FAM168A: variants seen among roughly 807,000 people sequenced by gnomAD.
FAM168A encodes protein FAM168A.
In FAM168A, 3 loss-of-function variants were observed where a neutral mutation model predicts 28.5. That is an observed-to-expected ratio of 0.11 (90% CI 0.05 to 0.27). FAM168A has a LOEUF of 0.27. Ranked by LOEUF, FAM168A falls within the 10% of genes least tolerant of loss-of-function variation. The pLI, the probability that FAM168A is intolerant of heterozygous loss-of-function variation, is 1.00. For missense variants in FAM168A, 222 were observed against 311.5 expected, an observed-to-expected ratio of 0.71 and a Z score of 2.16; for synonymous variants, 122 against 124.2, an observed-to-expected ratio of 0.98 and a Z score of 0.12.
intron 1 of FAM168A, among the ~76,000 whole-genome samples, chr11:73,525,109 C>T (rs2134656389): frequency 6.6e-6 from 1 of 151,478 alleles, no homozygotes; most frequent in Admixed American, 6.6e-5. Flanking sequence ...CATTCCCTCT[C>T]TTTTTTGGGG....
chr11:73,451,338 G>C (rs746595172), intron 2 of FAM168A, among the ~76,000 whole-genome samples: 6 of 152,142 alleles, frequency 3.9e-5, no homozygotes, highest in Non-Finnish European at 7.4e-5. Flanking sequence ...CAAACTCTCA[G>C]GTCAATTTGC....
At chr11:73,483,422 C>A (rs1278314135) in intron 1 of FAM168A, among the ~76,000 whole-genome samples, 1 of 152,142 alleles carries the variant, frequency 6.6e-6, no homozygotes, top group African/African-American at 2.4e-5. Context: ...CTCTATAAAA[C>A]AGAAATACTA....
rs185054682 is a variant in FAM168A at position 73,540,124 on chromosome 11, T to G, written c.-19+57799A>C. Among the ~76,000 whole-genome samples the G allele has an allele frequency of 9.8e-5, 15 of 152,308 alleles. 1 individual carries two copies. In the East Asian group the frequency reaches 1.2e-3, roughly 12 times the overall value. On this transcript the variant is annotated intron_variant, in intron 1 of 7. Transcript: ENST00000356467. Reference sequence around the variant, plus strand: ...TTCTTATTTCAACACAAAGACATGCTCAGAGAAATTACCTAGTAAAGCCCT... The same window carrying G: ...TTCTTATTTCAACACAAAGACATGCGCAGAGAAATTACCTAGTAAAGCCCT...
chr11:73,508,527 C>A (rs1260497985), intron 1 of FAM168A, among the ~76,000 whole-genome samples: 1 of 152,106 alleles, frequency 6.6e-6, no homozygotes, highest in African/African-American at 2.4e-5. Context: ...ACTTCTAGCC[C>A]TGCAGGTAGG....
intron 2 of FAM168A, among the ~76,000 whole-genome samples, chr11:73,445,127 TG>T (rs1379695481): frequency 6.6e-6 from 1 of 151,840 alleles, no homozygotes; most frequent in Non-Finnish European, 1.5e-5. Context: ...GGCGTGGTGG[TG>T]CATCCCTGTA....
intron 1 of FAM168A, among the ~76,000 whole-genome samples, chr11:73,555,798 A>G (rs1165687138): frequency 2.6e-5 from 4 of 152,170 alleles, no homozygotes; most frequent in African/African-American, 7.2e-5. Flanking sequence ...AAACTCAGCA[A>G]ATCAGAGAAC....
chr11:73,417,418 T>C (rs538035419), intron 4 of FAM168A, among the ~76,000 whole-genome samples: 2 of 152,336 alleles, frequency 1.3e-5, no homozygotes, highest in South Asian at 4.1e-4. Flanking sequence ...TAGGTGTGCC[T>C]ATATGCGTCT....
At chr11:73,491,250 G>T (rs1358619132) in intron 1 of FAM168A, among the ~76,000 whole-genome samples, 1 of 152,180 alleles carries the variant, frequency 6.6e-6, no homozygotes, top group Non-Finnish European at 1.5e-5. Flanking sequence ...CAAACAGAAA[G>T]GAGACATGAT....
At chr11:73,470,967 GAGATCATGCCTGGGGT>G (rs968492673) in intron 1 of FAM168A, among the ~76,000 whole-genome samples, 29 of 152,280 alleles carry the variant, frequency 1.9e-4, no homozygotes, top group African/African-American at 6.7e-4. Flanking sequence ...GCCACAGGAG[GAGATCATGCCTGGGGT>G]AGATCATGCC....
chr11:73,451,383 T>G (rs1022835666), intron 2 of FAM168A, among the ~76,000 whole-genome samples: 2 of 152,228 alleles, frequency 1.3e-5, no homozygotes, highest in African/African-American at 4.8e-5. Flanking sequence ...AAGGCTTCGT[T>G]ATTAGAGGTT....
chr11:73,581,726 GT>G (rs1249756039), intron 1 of FAM168A, among the ~76,000 whole-genome samples: 1,504 of 148,110 alleles, frequency 0.01, 28 homozygotes, highest in African/African-American at 0.034. Flanking sequence ...CTTGGTTTTT[GT>G]TTTTTTTTTG....
At chr11:73,539,532 G>A (rs1050256732) in intron 1 of FAM168A, among the ~76,000 whole-genome samples, 20 of 152,092 alleles carry the variant, frequency 1.3e-4, no homozygotes, top group African/African-American at 4.1e-4. Flanking sequence ...GCCTCCCAGC[G>A]CTGGGATTGC....
chr11:73,507,716 T>C (rs1370106303), intron 1 of FAM168A, among the ~76,000 whole-genome samples: 3 of 152,224 alleles, frequency 2.0e-5, no homozygotes, highest in African/African-American at 4.8e-5. Flanking sequence ...CGTGCAATAT[T>C]AACAACTGAC....
At chr11:73,465,759 A>G (rs1017360703) in intron 2 of FAM168A, among the ~76,000 whole-genome samples, 2 of 152,226 alleles carry the variant, frequency 1.3e-5, no homozygotes, top group African/African-American at 2.4e-5. Flanking sequence ...GGACACAAAC[A>G]TTCAGTTCAT....
chr11:73,533,382 A>G (rs146769912), intron 1 of FAM168A, among the ~76,000 whole-genome samples: 1 of 152,304 alleles, frequency 6.6e-6, no homozygotes, highest in East Asian at 1.9e-4. Context: ...TCTAAAGCCA[A>G]AATAACTGTC....
rs944709302 is a variant in FAM168A at position 73,403,462 on chromosome 11, G to A, written c.*3301C>T. 2.6e-5 allele frequency: 4 copies of A among 152,258 alleles called. No homozygotes were observed. Among genetic ancestry groups the A allele is most frequent in the Admixed American group, 1.3e-4 (2 of 15,278 alleles). The allele number at this position is 152,258 out of a possible 1,614,324, so 9.4% of individuals were successfully genotyped here. A position where few individuals can be genotyped will look rare whatever the true frequency, so the allele number is the denominator to read the frequency against. ...GAGAGGCAGTGGCATGAGGAGGAGA[G>A]AGGGGTTTGCATCCTGGGGCCAGTG... is the stretch of plus-strand genomic sequence containing the variant. On this transcript the variant is annotated 3_prime_UTR_variant, in exon 8 of 8. Transcript: ENST00000356467.
chr11:73,558,681 T>C (rs774133020), intron 1 of FAM168A, among the ~76,000 whole-genome samples: 7 of 151,788 alleles, frequency 4.6e-5, no homozygotes, highest in Non-Finnish European at 7.4e-5. Context: ...AACAAGTAGA[T>C]GAAAAGATGC....
At chr11:73,417,726 A>G (rs1282881829) in intron 4 of FAM168A, among the ~76,000 whole-genome samples, 1 of 151,782 alleles carries the variant, frequency 6.6e-6, no homozygotes, top group African/African-American at 2.4e-5. Context: ...TGCCTGGCTA[A>G]TTTTTTGTAT....
chr11:73,551,140 T>C (rs149699092), intron 1 of FAM168A, among the ~76,000 whole-genome samples: 1 of 149,172 alleles, frequency 6.7e-6, no homozygotes, highest in Admixed American at 6.7e-5. Context: ...GAATTTGGGC[T>C]AATGAGGCAA....
Sources: gnomAD v4.1 joint callset for allele counts (sites outside exome capture counted in the v4.1 genomes callset) on GRCh38, gnomAD v4.1.1 for gene constraint, MANE v1.5 for transcripts, NCBI Gene and HGNC (gene_info 2026-07-23, HGNC 2026-07-21) for gene names.